Variants in PTBP3 observed in about 807,000 individuals in gnomAD.
The protein encoded by PTBP3 is polypyrimidine tract binding protein 3.
Under a neutral mutation model 58.7 loss-of-function variants are expected in PTBP3, and 20 were observed. That is an observed-to-expected ratio of 0.34 (90% confidence interval 0.24 to 0.50). The LOEUF (loss-of-function observed/expected upper bound fraction) is 0.50. Ranked by LOEUF, PTBP3 falls within the 20% of genes least tolerant of loss-of-function variation. The pLI is 0.98. For missense variants in PTBP3, 509 were observed against 637.2 expected (o/e 0.80, Z 2.17); for synonymous variants, 185 against 219.8 (o/e 0.84, Z 1.40).
chr9:112,377,867 C>G, the PTBP3 span, among the ~76,000 whole-genome samples: 2 of 152,202 alleles, frequency 1.3e-5, no homozygotes, highest in Non-Finnish European at 2.9e-5. Context: ...CCCCTTTGCT[C>G]CTACATCTAA....
intron 1 of PTBP3, among the ~76,000 whole-genome samples, chr9:112,314,028 A>G (rs1829598508): frequency 6.6e-6 from 1 of 152,244 alleles, no homozygotes; most frequent in African/African-American, 2.4e-5. Flanking sequence ...GTTATGTGTA[A>G]GCACTGTATT....
chr9:112,224,273 C>T (rs1834901795), intron 12 of PTBP3, 63 bp from the exon 13 acceptor site: 2 of 996,052 alleles, frequency 2.0e-6, no homozygotes, highest in South Asian at 3.6e-5. Flanking sequence ...CAGATTAACT[C>T]TTGCAATCAT....
Position 112,220,655 on chromosome 9 carries a change from T to A in PTBP3, c.*3196A>T. ...GAGCTGCTGGGTAATTCTGATACTC[T>A]CCAGTAAGTATCAATTAAGATACTG... On this transcript the variant is annotated 3_prime_UTR_variant, in exon 14 of 14. Coordinates refer to ENST00000374257, the MANE Select transcript of PTBP3 (RefSeq NM_001163788.4). The A allele has an allele frequency of 1.0e-6, 1 of 988,582 alleles. No individual in the cohort carries two copies. The highest frequency in any genetic ancestry group is 1.2e-6 in the Non-Finnish European group (1 of 831,654). 61.2% of individuals were successfully genotyped at this position (988,582 alleles called of 1,614,324 possible).
Position 112,220,182 on chromosome 9 carries a change from G to C in PTBP3, c.*3669C>G. 7.5e-7 allele frequency: 1 copy of C among 1,338,662 alleles called. No homozygotes were observed. The highest frequency in any genetic ancestry group is 1.2e-5 in the South Asian group (1 of 85,250). 82.9% of individuals were successfully genotyped at this position (1,338,662 alleles called of 1,614,324 possible). On this transcript the variant is annotated 3_prime_UTR_variant, in exon 14 of 14. Transcript: ENST00000374257. ...ACACATGTACTTTTGTCAATTTTTT[G>C]TCCAAAAATATCTCGTGGGAACAGA...
chr9:112,258,997 GCTGGAATGCAGTGGTACAAT>G (rs1251141258), intron 5 of PTBP3, among the ~76,000 whole-genome samples: 1 of 152,110 alleles, frequency 6.6e-6, no homozygotes, highest in Non-Finnish European at 1.5e-5. Flanking sequence ...TGTCATCCAG[GCTGGAATGCAGTGGTACAAT>G]CTTGGTTCAA....
intron 13 of PTBP3, 52 bp downstream of exon 13, chr9:112,224,081 T>C: frequency 6.5e-7 from 1 of 1,550,236 alleles, no homozygotes; most frequent in South Asian, 1.2e-5. Context: ...CCTTTAAAAT[T>C]TGCATACCAT....
At chr9:112,225,365 CCAA>C (rs1263816201) in intron 12 of PTBP3, among the ~76,000 whole-genome samples, 2 of 151,910 alleles carry the variant, frequency 1.3e-5, no homozygotes, top group African/African-American at 2.4e-5. Context: ...GATAATAATG[CCAA>C]CAACAACATA....
At chr9:112,331,016 C>T (rs1830346552) in intron 1 of PTBP3, among the ~76,000 whole-genome samples, 1 of 149,826 alleles carries the variant, frequency 6.7e-6, no homozygotes, top group Admixed American at 6.7e-5. Context: ...CAAAGATTTG[C>T]TTTTTAAAAA....
chr9:112,252,466 G>C, intron 6 of PTBP3: 1 of 531,954 alleles, frequency 1.9e-6, no homozygotes. Context: ...GATGTGAGAG[G>C]TGATAGGAGA....
At chr9:112,359,957 A>G in the PTBP3 span, among the ~76,000 whole-genome samples, 15 of 152,362 alleles carry the variant, frequency 9.8e-5, no homozygotes, top group Admixed American at 9.8e-4. Flanking sequence ...TGTTAACATG[A>G]TTATCTCTGA....
chr9:112,336,532 A>G (rs1830579073), upstream of PTBP3, among the ~76,000 whole-genome samples: 1 of 151,344 alleles, frequency 6.6e-6, no homozygotes, highest in Admixed American at 6.6e-5. Flanking sequence ...TGTAAATCAC[A>G]GCACTTTGGG....
chr9:112,331,557 C>G (rs1422632981), intron 1 of PTBP3, among the ~76,000 whole-genome samples: 1 of 152,112 alleles, frequency 6.6e-6, no homozygotes, highest in Non-Finnish European at 1.5e-5. Context: ...ACTTCTGAAA[C>G]TTGAAATTCA....
chr9:112,346,751 CAG>C, the PTBP3 span, among the ~76,000 whole-genome samples: 1 of 152,126 alleles, frequency 6.6e-6, no homozygotes, highest in Non-Finnish European at 1.5e-5. Context: ...TTTCCTGAGA[CAG>C]AGTCTCTTGA....
chr9:112,305,552 G>T (rs965208826), intron 1 of PTBP3, among the ~76,000 whole-genome samples: 1 of 152,090 alleles, frequency 6.6e-6, no homozygotes, highest in Non-Finnish European at 1.5e-5. Context: ...GTGTCCACTC[G>T]ACAACAGTAC....
upstream of PTBP3, among the ~76,000 whole-genome samples, chr9:112,336,319 A>G (rs1830575967): frequency 6.6e-6 from 1 of 152,216 alleles, no homozygotes; most frequent in African/African-American, 2.4e-5. Flanking sequence ...TGAGGAATAG[A>G]TCCCTAGAAG....
chr9:112,258,744 G>GT (rs1836473463), intron 5 of PTBP3, among the ~76,000 whole-genome samples: 1 of 152,026 alleles, frequency 6.6e-6, no homozygotes, highest in Admixed American at 6.6e-5. Flanking sequence ...TAGGTGGCCC[G>GT]TAACTATAGC....
At chr9:112,306,572 ATTAAT>A (rs1387850752) in intron 1 of PTBP3, among the ~76,000 whole-genome samples, 34 of 144,580 alleles carry the variant, frequency 2.4e-4, no homozygotes, top group African/African-American at 8.7e-4. Flanking sequence ...AAACCAGAAA[ATTAAT>A]TTAAATTTGT....
At chr9:112,245,795 T>G (rs967708361) in intron 7 of PTBP3, among the ~76,000 whole-genome samples, 4 of 152,120 alleles carry the variant, frequency 2.6e-5, no homozygotes, top group Non-Finnish European at 4.4e-5. Context: ...AACGGGCTCC[T>G]ACTGGCCAAA....
upstream of PTBP3, among the ~76,000 whole-genome samples, chr9:112,336,206 A>G (rs1268244191): frequency 1.3e-5 from 2 of 152,168 alleles, no homozygotes; most frequent in Non-Finnish European, 2.9e-5. Context: ...AACCTTTTCC[A>G]AAACAGTGGA....
Sources: gnomAD v4.1 joint callset for allele counts (sites outside exome capture counted in the v4.1 genomes callset) on GRCh38, gnomAD v4.1.1 for gene constraint, MANE v1.5 for transcripts, NCBI Gene and HGNC (gene_info 2026-07-23, HGNC 2026-07-21) for gene names.